Variants in CHRM3 observed in about 807,000 individuals in gnomAD.
CHRM3 encodes the protein muscarinic acetylcholine receptor M3.
In CHRM3, 11 loss-of-function variants were observed where a neutral mutation model predicts 41.8. The ratio of observed to expected loss-of-function variants is 0.26; its 90% confidence interval spans 0.17 to 0.44. CHRM3 has a LOEUF of 0.44. Ranked by LOEUF, CHRM3 falls within the 20% of genes least tolerant of loss-of-function variation. The pLI is 1.00. For missense variants in CHRM3, 571 were observed against 745.4 expected, an observed-to-expected ratio of 0.77 and a Z score of 2.72; for synonymous variants, 297 against 301.4, an observed-to-expected ratio of 0.99 and a Z score of 0.15.
intron 3 of CHRM3, among the ~76,000 whole-genome samples, chr1:239,575,482 C>G (rs542559684): frequency 9.2e-5 from 14 of 152,236 alleles, no homozygotes; most frequent in African/African-American, 3.1e-4. Context: ...ATGCAACAAC[C>G]ACAGTATTTG....
chr1:239,424,352 GT>G (rs546785561), intron 1 of CHRM3, among the ~76,000 whole-genome samples: 8 of 150,398 alleles, frequency 5.3e-5, no homozygotes, highest in Non-Finnish European at 1.0e-4. Context: ...TAAATAATGG[GT>G]TTTGAGCTAG....
At chr1:239,764,650 G>T (rs766213622) in intron 5 of CHRM3, among the ~76,000 whole-genome samples, 9 of 152,280 alleles carry the variant, frequency 5.9e-5, no homozygotes, top group Non-Finnish European at 8.8e-5. Flanking sequence ...TGCTGCTGTT[G>T]TCCATAACAG....
intron 3 of CHRM3, among the ~76,000 whole-genome samples, chr1:239,599,924 C>A (rs942575572): frequency 6.6e-6 from 1 of 152,098 alleles, no homozygotes; most frequent in Non-Finnish European, 1.5e-5. Context: ...TTGGATCATC[C>A]TAAGTCAGGG....
rs367836175 is a variant in CHRM3, at chr1:239,413,063, C to T, written c.-521+25836C>T. ...ACTCCATTCCAGCCTGGTGACAGAG[C>T]GAGACTCCATGTCAAAAAACAAAAA... On this transcript the variant is annotated intron_variant, in intron 1 of 6. Coordinates refer to ENST00000676153, the MANE Select transcript of CHRM3 (RefSeq NM_001375978.1). Among the ~76,000 whole-genome samples the T allele has an allele frequency of 8.3e-5, 12 of 144,784 alleles. No homozygotes were observed. In the East Asian group the frequency reaches 1.4e-3, roughly 17 times the overall value. 95.0% of individuals were successfully genotyped at this position (144,784 alleles called of 152,430 possible). A position where few individuals can be genotyped will look rare whatever the true frequency, so the allele number is the denominator to read the frequency against.
intron 1 of CHRM3, among the ~76,000 whole-genome samples, chr1:239,453,657 A>G (rs969396343): frequency 1.3e-5 from 2 of 152,222 alleles, no homozygotes; most frequent in African/African-American, 4.8e-5. Context: ...TATGCATTCT[A>G]CTAGGCATTA....
At chr1:239,578,596 A>G (rs917604476) in intron 3 of CHRM3, among the ~76,000 whole-genome samples, 2 of 152,196 alleles carry the variant, frequency 1.3e-5, no homozygotes, top group Non-Finnish European at 2.9e-5. Context: ...TTATGTGACT[A>G]TTTTGAAGAT....
chr1:239,629,439 G>T (rs1257539453), intron 3 of CHRM3: 2 of 151,580 alleles, frequency 1.3e-5, no homozygotes, highest in Non-Finnish European at 2.9e-5. Context: ...ACCTCAGATG[G>T]AAATGCAGAA....
chr1:239,897,627 C>T (rs556588003), intron 6 of CHRM3, among the ~76,000 whole-genome samples: 30 of 152,352 alleles, frequency 2.0e-4, no homozygotes, highest in Admixed American at 8.5e-4. Context: ...TCCAGCTGCA[C>T]TCTTTCCCTG....
At chr1:239,516,562 G>C (rs770359500) in intron 2 of CHRM3, among the ~76,000 whole-genome samples, 8 of 152,184 alleles carry the variant, frequency 5.3e-5, no homozygotes, top group Non-Finnish European at 1.0e-4. Context: ...CTAGCTGTAT[G>C]AGATAGCAGG....
At chr1:239,758,687 A>T (rs185542161) in intron 5 of CHRM3, among the ~76,000 whole-genome samples, 259 of 152,366 alleles carry the variant, frequency 1.7e-3, no homozygotes, top group Non-Finnish European at 3.3e-3. Context: ...CTGGACTATT[A>T]AAAGCAATTT....
At chr1:239,697,055 C>A (rs1343536681) in intron 5 of CHRM3, among the ~76,000 whole-genome samples, 1 of 152,114 alleles carries the variant, frequency 6.6e-6, no homozygotes, top group African/African-American at 2.4e-5. Flanking sequence ...TAGTCACTGG[C>A]CCCTCAAAAT....
chr1:239,899,303 GTGTGTA>G (rs765687566), intron 6 of CHRM3, among the ~76,000 whole-genome samples: 12,509 of 143,754 alleles, frequency 0.087, 711 homozygotes, highest in African/African-American at 0.18. Context: ...GTGTGTGTGT[GTGTGTA>G]TATACACACA....
At chr1:239,804,793 C>T (rs138830300) in intron 5 of CHRM3, among the ~76,000 whole-genome samples, 10 of 152,272 alleles carry the variant, frequency 6.6e-5, no homozygotes, top group South Asian at 2.1e-4. Flanking sequence ...CCTCGCCTCT[C>T]GCATTGACTG....
intron 1 of CHRM3, among the ~76,000 whole-genome samples, chr1:239,430,975 T>A (rs1662794210): frequency 6.6e-6 from 1 of 152,172 alleles, no homozygotes; most frequent in South Asian, 2.1e-4. Flanking sequence ...TTTAAAATCA[T>A]AATATCTATT....
chr1:239,789,851 T>C (rs142867454), intron 5 of CHRM3, among the ~76,000 whole-genome samples: 154 of 152,306 alleles, frequency 1.0e-3, no homozygotes, highest in African/African-American at 3.4e-3. Flanking sequence ...ACTGGATAAG[T>C]GTGGAGTTAG....
intron 5 of CHRM3, among the ~76,000 whole-genome samples, chr1:239,745,961 A>G (rs1439407353): frequency 1.3e-5 from 2 of 152,160 alleles, no homozygotes; most frequent in Non-Finnish European, 2.9e-5. Context: ...TCTTTTACAC[A>G]GGGCTGGACC....
At chr1:239,501,863 A>T (rs1003765580) in intron 2 of CHRM3, among the ~76,000 whole-genome samples, 23 of 152,120 alleles carry the variant, frequency 1.5e-4, no homozygotes, top group African/African-American at 5.6e-4. Flanking sequence ...TCAAAAAAAA[A>T]ATTCTTTGAA....
At position 239,387,445 on chromosome 1, in the gene CHRM3, G is replaced by A. The variant is rs1334680855; in HGVS notation, c.-521+218G>A. ...ACTTGAATTCCGACAGCGCGATCTG[G>A]TGCGGAGTTGGAGTTCTGGGACTGA... On this transcript the variant is annotated intron_variant, in intron 1 of 6. Transcript: ENST00000676153. This position sits in a 1 kb window ranked among gnomAD's most constrained non-coding sequence, Gnocchi z 5.1. Among the ~76,000 whole-genome samples the A allele has an allele frequency of 6.6e-6, 1 of 152,090 alleles. No homozygotes were observed. Among genetic ancestry groups the A allele is most frequent in the Non-Finnish European group, 1.5e-5 (1 of 68,036 alleles).
At chr1:239,696,040 T>G (rs1660153061) in intron 5 of CHRM3, among the ~76,000 whole-genome samples, 1 of 152,196 alleles carries the variant, frequency 6.6e-6, no homozygotes, top group Non-Finnish European at 1.5e-5. Context: ...CCTATAACTG[T>G]TAATTACAAT....
Sources: gnomAD v4.1 joint callset for allele counts (sites outside exome capture counted in the v4.1 genomes callset) on GRCh38, gnomAD v4.1.1 for gene constraint, Gnocchi (gnomAD v3.1) non-coding constraint, MANE v1.5 for transcripts, NCBI Gene and HGNC (gene_info 2026-07-23, HGNC 2026-07-21) for gene names.